The following INPP4B variants were observed in gnomAD, a reference collection of about 807,000 sequenced individuals.
INPP4B encodes inositol polyphosphate-4-phosphatase type II B.
A neutral mutation model predicts 122.5 loss-of-function variants in INPP4B; 55 were observed. The observed-to-expected ratio is 0.45, with a 90% confidence interval of 0.36 to 0.56. The LOEUF (loss-of-function observed/expected upper bound fraction) is 0.56, where lower values mean the gene tolerates loss of function less well. Ranked by LOEUF, INPP4B falls within the 20% of genes least tolerant of loss-of-function variation. The pLI is 0.00. For missense variants in INPP4B, 1,000 were observed against 1,097.7 expected (o/e 0.91, Z 1.26); for synonymous variants, 403 against 388.7 (o/e 1.04, Z -0.43).
chr4:142,696,395 C>T (rs1031273386), intron 2 of INPP4B, among the ~76,000 whole-genome samples: 2 of 152,250 alleles, frequency 1.3e-5, no homozygotes, highest in Non-Finnish European at 2.9e-5. Context: ...AAGGATACCA[C>T]CCCCAAAGAG....
At position 142,294,206 on chromosome 4, in the gene INPP4B, T is replaced by C. The variant is rs76357209; in HGVS notation, c.503+11252A>G. Among the ~76,000 whole-genome samples, 544 of 152,250 alleles carry C rather than the reference T, an allele frequency of 3.6e-3. 2 individuals carry two copies. Among genetic ancestry groups the C allele is most frequent in the Middle Eastern group, 0.017 (5 of 294 alleles). On this transcript the variant is annotated intron_variant, in intron 9 of 25. Transcript: ENST00000262992. ...CTAAATGTATTGTAAAAAGAAAATA[T>C]ATAAATAGAAATGCAAAATAAAACC...
intron 1 of INPP4B, among the ~76,000 whole-genome samples, chr4:142,794,025 A>C (rs1776894006): frequency 6.6e-6 from 1 of 152,052 alleles, no homozygotes; most frequent in Non-Finnish European, 1.5e-5. Flanking sequence ...CAAAGAATCA[A>C]TGGGTTATTT....
At chr4:142,734,780 G>T (rs1341513022) in intron 1 of INPP4B, among the ~76,000 whole-genome samples, 2 of 152,092 alleles carry the variant, frequency 1.3e-5, no homozygotes, top group Non-Finnish European at 2.9e-5. Flanking sequence ...CAAGTAGCTG[G>T]GATTACAGGC....
At chr4:142,653,436 A>T (rs918004929) in intron 2 of INPP4B, among the ~76,000 whole-genome samples, 2 of 152,210 alleles carry the variant, frequency 1.3e-5, no homozygotes, top group Non-Finnish European at 2.9e-5. Flanking sequence ...GTGAACAGAC[A>T]ACCTACTGAA....
At chr4:142,079,579 A>G (rs1185892681) in intron 25 of INPP4B, among the ~76,000 whole-genome samples, 1 of 152,090 alleles carries the variant, frequency 6.6e-6, no homozygotes, top group African/African-American at 2.4e-5. Flanking sequence ...AATTTATAAG[A>G]GTTATATGTA....
At chr4:142,337,567 C>G (rs1417732852) in intron 7 of INPP4B, among the ~76,000 whole-genome samples, 1 of 149,792 alleles carries the variant, frequency 6.7e-6, no homozygotes, top group East Asian at 1.9e-4. Flanking sequence ...CAAATGTTTA[C>G]TGGCCATTTG....
chr4:142,180,503 C>T (rs1830295413), intron 15 of INPP4B, among the ~76,000 whole-genome samples: 1 of 152,010 alleles, frequency 6.6e-6, no homozygotes, highest in African/African-American at 2.4e-5. Context: ...ATGCTATGGG[C>T]CTAGCATTAC....
At position 142,283,360 on chromosome 4, in the gene INPP4B, A is replaced by T. The variant is rs189174503; in HGVS notation, c.504-12586T>A. ...TGAGACACTTATTTAGTGTTCAATT[A>T]TCATTAGGTCGTTGGATATTAGAGT... On this transcript the variant is annotated intron_variant, in intron 9 of 25. Coordinates refer to ENST00000262992, the MANE Select transcript of INPP4B (RefSeq NM_001101669.3). 1.9e-3 allele frequency among the ~76,000 whole-genome samples: 282 copies of T among 152,260 alleles called. 1 individual carries two copies. Among genetic ancestry groups the T allele is most frequent in the African/African-American group, 5.8e-3 (241 of 41,558 alleles).
chr4:142,029,941 A>G, intron 25 of INPP4B: 1 of 1,297,016 alleles, frequency 7.7e-7, no homozygotes, highest in East Asian at 2.9e-5. Context: ...CCATGAACAA[A>G]AGAGCAAAAT....
intron 7 of INPP4B, among the ~76,000 whole-genome samples, chr4:142,321,131 TA>T (rs1236064630): frequency 3.3e-5 from 5 of 152,288 alleles, no homozygotes; most frequent in Admixed American, 2.0e-4. Flanking sequence ...CAACATCTAT[TA>T]TTTTTTTGAT....
intron 17 of INPP4B, among the ~76,000 whole-genome samples, chr4:142,158,827 T>C (rs1313043144): frequency 2.6e-5 from 4 of 151,854 alleles, no homozygotes; most frequent in Admixed American, 2.6e-4. Flanking sequence ...TTGTAAAACA[T>C]AGTGAGTTAA....
intron 2 of INPP4B, among the ~76,000 whole-genome samples, chr4:142,544,008 T>C (rs989928837): frequency 6.6e-6 from 1 of 152,074 alleles, no homozygotes; most frequent in Non-Finnish European, 1.5e-5. Context: ...TGGATTTTTA[T>C]GGAGAGGAAT....
intron 22 of INPP4B, among the ~76,000 whole-genome samples, chr4:142,108,762 C>T (rs1788494839): frequency 6.6e-6 from 1 of 152,118 alleles, no homozygotes; most frequent in African/African-American, 2.4e-5. Context: ...CGTAGTCTTC[C>T]ACCAAGAGGT....
chr4:142,272,917 T>A (rs1462563651), intron 9 of INPP4B, among the ~76,000 whole-genome samples: 1 of 152,054 alleles, frequency 6.6e-6, no homozygotes, highest in Non-Finnish European at 1.5e-5. Flanking sequence ...TTAGCTTAAT[T>A]GCTAGAAGCA....
chr4:142,707,956 C>T (rs929897550), intron 2 of INPP4B, among the ~76,000 whole-genome samples: 2 of 152,144 alleles, frequency 1.3e-5, no homozygotes, highest in East Asian at 1.9e-4. Context: ...GATAGTGATA[C>T]GGACAATGAA....
intron 3 of INPP4B, among the ~76,000 whole-genome samples, chr4:142,448,329 C>CAAAAAAA (rs71586289): frequency 6.5e-5 from 4 of 61,986 alleles, no homozygotes; most frequent in African/African-American, 6.6e-5. Flanking sequence ...TATCCATCTC[C>CAAAAAAA]AAAAAAAAAA....
rs1238277986 is a variant in INPP4B, at chr4:142,028,670, A to ATCATC, written c.*107_*111dup. 13 of 1,119,830 alleles carry ATCATC rather than the reference A, an allele frequency of 1.2e-5. No homozygotes were observed. Among genetic ancestry groups the ATCATC allele is most frequent in the Non-Finnish European group, 1.7e-5 (13 of 782,038 alleles). 69.4% of individuals were successfully genotyped at this position (1,119,830 alleles called of 1,614,324 possible). A position where few individuals can be genotyped will look rare whatever the true frequency, so the allele number is the denominator to read the frequency against. The stretch of plus-strand genomic sequence containing the variant: ...TCCTAGATTTTGGGAAACATCTGTG[A>ATCATC]TCATCTCCCCCACCACAAATTCATG... On this transcript the variant is annotated 3_prime_UTR_variant, in exon 26 of 26. Coordinates refer to ENST00000262992, the MANE Select transcript of INPP4B (RefSeq NM_001101669.3).
intron 11 of INPP4B, among the ~76,000 whole-genome samples, chr4:142,253,254 A>G (rs868134389): frequency 6.6e-6 from 1 of 152,188 alleles, no homozygotes; most frequent in East Asian, 1.9e-4. Context: ...GTCCTAGAAC[A>G]TTACCACATA....
At chr4:142,271,912 G>A (rs72939296) in intron 9 of INPP4B, among the ~76,000 whole-genome samples, 11 of 152,186 alleles carry the variant, frequency 7.2e-5, no homozygotes, top group East Asian at 3.9e-4. Context: ...TTCCTTTTCC[G>A]AGCAAGAAAA....
Sources: allele counts gnomAD v4.1 joint callset (sites outside exome capture counted in the v4.1 genomes callset), GRCh38; gene constraint gnomAD v4.1.1; transcripts MANE v1.5; gene names NCBI Gene and HGNC (gene_info 2026-07-23, HGNC 2026-07-21).